Variants in RHBG observed in about 807,000 individuals in gnomAD.
RHBG encodes the protein Rh family B glycoprotein, also known as ammonium transporter Rh type B.
In RHBG, 39 loss-of-function variants were observed where a neutral mutation model predicts 40.1. That is an observed-to-expected ratio of 0.97 (90% CI 0.75 to 1.27). The LOEUF (loss-of-function observed/expected upper bound fraction) is 1.27, where lower values mean the gene tolerates loss of function less well. Ranked by LOEUF, RHBG falls within the 50% of genes most tolerant of loss-of-function variation. The probability of loss-of-function intolerance (pLI) is 0.00; values close to 1 mark genes in which losing one functional copy is unlikely to be tolerated. For synonymous variants in RHBG, 237 were observed against 252.5 expected (o/e 0.94, Z 0.58); for missense variants, 549 against 588.1 (o/e 0.93, Z 0.69).
intron 4 of RHBG, among the ~76,000 whole-genome samples, chr1:156,379,845 T>G (rs1667494559): frequency 6.6e-6 from 1 of 152,174 alleles, no homozygotes; most frequent in South Asian, 2.1e-4. Context: ...TTCACCTTGT[T>G]GTTTGGGTCC....
At chr1:156,379,421 A>T (rs1667462722) in intron 4 of RHBG, among the ~76,000 whole-genome samples, 2 of 152,122 alleles carry the variant, frequency 1.3e-5, no homozygotes, top group African/African-American at 4.8e-5. Flanking sequence ...ATAGGGACTG[A>T]AGTACCTATT....
chr1:156,377,628 C>G lies in RHBG; in HGVS notation c.374+141C>G. ...CACTTGGTTTCTCTAGGTGTCCTGC[C>G]TGTCCTTATTGCCTGACTTCCTCTC... On this transcript the variant is annotated intron_variant, in intron 2 of 9. Coordinates refer to ENST00000537040, the MANE Select transcript of RHBG (RefSeq NM_020407.5). This position sits in a 1 kb window ranked among gnomAD's most constrained non-coding sequence, Gnocchi z 4.6. 1.2e-6 allele frequency: 1 copy of G among 861,662 alleles called. No individual in the cohort carries two copies. Among genetic ancestry groups the G allele is most frequent in the Non-Finnish European group, 1.7e-6 (1 of 573,248 alleles). The allele number at this position is 861,662 out of a possible 1,614,324, so 53.4% of individuals were successfully genotyped here. A position where few individuals can be genotyped will look rare whatever the true frequency, so the allele number is the denominator to read the frequency against.
chr1:156,378,174 G>A (rs753604153), intron 3 of RHBG, 34 bp downstream of exon 3: 3 of 1,599,646 alleles, frequency 1.9e-6, no homozygotes, highest in East Asian at 2.2e-5. Flanking sequence ...GTCGGGGGTG[G>A]GGGGTGGTCA....
chr1:156,372,171 T>C (rs573361300), intron 1 of RHBG, among the ~76,000 whole-genome samples: 11 of 152,324 alleles, frequency 7.2e-5, no homozygotes, highest in African/African-American at 2.6e-4. Context: ...ATGGCTAGTC[T>C]GAGGGTCCGT....
chr1:156,375,194 C>T (rs970712982), intron 1 of RHBG, among the ~76,000 whole-genome samples: 4 of 152,100 alleles, frequency 2.6e-5, no homozygotes, highest in Admixed American at 2.6e-4. Flanking sequence ...CCTCAGCCTT[C>T]CTAGTAGCTG....
Position 156,377,537 on chromosome 1 carries a change from C to T in RHBG, c.374+50C>T, listed in dbSNP as rs764354201. 5.1e-6 allele frequency: 8 copies of T among 1,559,632 alleles called. No homozygotes were observed. The highest frequency in any genetic ancestry group is 3.5e-5 in the Admixed American group (2 of 57,658). On this transcript the variant is annotated intron_variant, in intron 2 of 9. Transcript: ENST00000537040. The surrounding 1 kb of genome is among the most constrained non-coding windows in gnomAD (Gnocchi z 4.6). ...TCCCCAAGGTTCACTCGGGAGGCCC[C>T]TGCCCATGGGCCCCGGATCTAGCCC...
chr1:156,381,234 T>A, intron 4 of RHBG, 113 bp from the exon 5 acceptor site: 1 of 1,095,442 alleles, frequency 9.1e-7, no homozygotes, highest in Admixed American at 1.9e-5. Flanking sequence ...CCACTGAACA[T>A]ATGAGGAAAC....
chr1:156,379,691 C>T (rs1340727533), intron 4 of RHBG, among the ~76,000 whole-genome samples: 3 of 152,174 alleles, frequency 2.0e-5, no homozygotes, highest in Non-Finnish European at 2.9e-5. Flanking sequence ...GCTCCACCTA[C>T]AGGATGCAAA....
At chr1:156,370,485 G>A (rs181374591) in intron 1 of RHBG, among the ~76,000 whole-genome samples, 586 of 151,220 alleles carry the variant, frequency 3.9e-3, no homozygotes, top group African/African-American at 0.014. Flanking sequence ...GGTGGCAGGC[G>A]CCTGTAATCG....
rs1667372274 is a variant in RHBG at position 156,378,283 on chromosome 1, A to G, written c.557A>G (p.His186Arg). 1 of 1,613,826 alleles carries G rather than the reference A, an allele frequency of 6.2e-7. No individual in the cohort carries two copies. Among genetic ancestry groups the G allele is most frequent in the Non-Finnish European group, 8.5e-7 (1 of 1,179,942 alleles). ...VRDAGGSMTI[H>R]TFGAYFGLVL... ...GATGCCGGAGGCTCCATGACTATCC[A>G]CACCTTTGGTGCCTACTTCGGGCTC... The change falls in exon 4 of 10, where the codon CAC becomes CGC. Residue 186 changes from histidine to arginine, a missense_variant. By Grantham distance (29) the His-to-Arg change is conservative. Coordinates refer to ENST00000537040, the MANE Select transcript of RHBG (RefSeq NM_020407.5).
chr1:156,369,366 A>T lies in RHBG; in HGVS notation c.117A>T (p.Lys39Asn). ...CTGTCTTTGTCCGCTACAACCACAA[A>T]ACCGACGCTGCCCTCTGGCACCGGA... Reference protein sequence around the residue: ...LFAVFVRYNHKTDAALWHRSN... With the variant: ...LFAVFVRYNHNTDAALWHRSN... The change falls in exon 1 of 10, where the codon AAA becomes AAT. Residue 39 changes from lysine (K) to asparagine (N), a missense_variant. By Grantham distance (94) the Lys-to-Asn change is moderately conservative. Around this residue, in one of 3 missense-constraint regions of RHBG, gnomAD observed 99 missense variants for 85.2 expected, o/e 1.16. Transcript: ENST00000537040. 1 of 1,614,084 alleles carries T rather than the reference A, an allele frequency of 6.2e-7. No homozygotes were observed. The highest frequency in any genetic ancestry group is 8.5e-7 in the Non-Finnish European group (1 of 1,180,000).
rs746579524 is a variant in RHBG at position 156,382,751 on chromosome 1, G to A, written c.1116G>A (p.Leu372=). The change falls in exon 8 of 10, where the codon CTG becomes CTA. Residue 372 remains leucine (L), a synonymous_variant. Coordinates refer to ENST00000537040, the MANE Select transcript of RHBG (RefSeq NM_020407.5). ...CCTCTATCTGGTCTCCCTGCAGCCT[G>A]GAGAGTGTGTTTCCACTCATAGCCG... ...LATHEAYGDG[L]ESVFPLIAEG... is the part of the protein sequence containing the mutation. 1.9e-6 allele frequency: 3 copies of A among 1,614,122 alleles called. No individual in the cohort carries two copies. Among genetic ancestry groups the A allele is most frequent in the African/African-American group, 2.7e-5 (2 of 75,054 alleles).
intron 4 of RHBG, among the ~76,000 whole-genome samples, chr1:156,380,102 C>T (rs1667511300): frequency 7.0e-6 from 1 of 143,198 alleles, no homozygotes; most frequent in African/African-American, 2.5e-5. Context: ...TTTTCCTTTC[C>T]TTTCTTTTTC....
intron 1 of RHBG, among the ~76,000 whole-genome samples, chr1:156,370,481 A>T (rs1666764901): frequency 6.7e-6 from 1 of 150,086 alleles, no homozygotes; most frequent in Non-Finnish European, 1.5e-5. Flanking sequence ...GCGTGGTGGC[A>T]GGCGCCTGTA....
chr1:156,379,796 A>T (rs1667490347), intron 4 of RHBG, among the ~76,000 whole-genome samples: 1 of 151,994 alleles, frequency 6.6e-6, no homozygotes, highest in Admixed American at 6.6e-5. Flanking sequence ...TAAGCCTCCC[A>T]CCTTGCTGGC....
rs1454272415 is a variant in RHBG at position 156,378,321 on chromosome 1, G to A, written c.595G>A (p.Val199Ile). The A allele has an allele frequency of 6.2e-7, 1 of 1,614,052 alleles. No individual in the cohort carries two copies. The highest frequency in any genetic ancestry group is 1.3e-5 in the African/African-American group (1 of 75,028). The change falls in exon 4 of 10, where the codon GTT becomes ATT. Residue 199 changes from valine to isoleucine, a missense_variant. By Grantham distance (29) the Val-to-Ile change is conservative. Coordinates refer to ENST00000537040, the MANE Select transcript of RHBG (RefSeq NM_020407.5). Reference protein sequence around the residue: ...GAYFGLVLSRVLYRPQLEKSK... With the variant: ...GAYFGLVLSRILYRPQLEKSK... ...CTACTTCGGGCTCGTCCTTTCGCGG[G>A]TTCTGTACAGGCCCCAGCTGGAGAA...
Position 156,382,209 on chromosome 1 carries a change from T to C in RHBG, c.1112+8T>C. 1 of 1,614,072 alleles carries C rather than the reference T, an allele frequency of 6.2e-7. No individual in the cohort carries two copies. The highest frequency in any genetic ancestry group is 8.5e-7 in the Non-Finnish European group (1 of 1,180,002). On this transcript the variant is annotated splice_region_variant and intron_variant, in intron 7 of 9. Transcript: ENST00000537040. ...TGAAGCTTACGGAGATGGGTGAGTT[T>C]CCTCCCAACCCGTACTGCAGTCGTC...
chr1:156,377,214 C>A lies in RHBG; in HGVS notation c.188-87C>A. ...TCAAGGCAGCCCTGGCTGGTGAGAGCCAGGGGCACTGGCAGGGTAGCTGAC... is the reference window on the plus strand; with the variant it reads ...TCAAGGCAGCCCTGGCTGGTGAGAGACAGGGGCACTGGCAGGGTAGCTGAC... On this transcript the variant is annotated intron_variant, in intron 1 of 9. Transcript: ENST00000537040. This position sits in a 1 kb window ranked among gnomAD's most constrained non-coding sequence, Gnocchi z 4.6. 7.0e-7 allele frequency: 1 copy of A among 1,436,178 alleles called. No individual in the cohort carries two copies. The highest frequency in any genetic ancestry group is 9.6e-7 in the Non-Finnish European group (1 of 1,037,256). 89.0% of individuals were successfully genotyped at this position (1,436,178 alleles called of 1,614,324 possible).
intron 8 of RHBG, 56 bp downstream of exon 8, chr1:156,382,925 T>G: frequency 6.2e-7 from 1 of 1,608,990 alleles, no homozygotes; most frequent in Non-Finnish European, 8.5e-7. Context: ...AAGCCTGACA[T>G]GAATTCATTC....
Sources: gnomAD v4.1 joint callset for allele counts (sites outside exome capture counted in the v4.1 genomes callset) on GRCh38, gnomAD v4.1.1 for gene constraint, gnomAD v4.1.1 regional missense constraint, Gnocchi (gnomAD v3.1) non-coding constraint, MANE v1.5 for transcripts, NCBI Gene and HGNC (gene_info 2026-07-23, HGNC 2026-07-21) for gene names.